Variants in AKR1C8 observed in about 807,000 individuals in gnomAD.
The protein encoded by AKR1C8 is aldo-keto reductase family 1 member C-like protein 1.
the AKR1C8 span, among the ~76,000 whole-genome samples, chr10:5,180,920 C>T: frequency 6.6e-6 from 1 of 152,222 alleles, no homozygotes; most frequent in African/African-American, 2.4e-5. Flanking sequence ...AAGGGAACTC[C>T]CTGACCCCTT....
chr10:5,122,348 C>G, the AKR1C8 span, among the ~76,000 whole-genome samples: 1 of 152,280 alleles, frequency 6.6e-6, no homozygotes, highest in Non-Finnish European at 1.5e-5. Context: ...TCTTCTCCAT[C>G]CCACCCCTCT....
chr10:5,155,883 C>T, the AKR1C8 span: 3 of 357,076 alleles, frequency 8.4e-6, no homozygotes. Flanking sequence ...TCCTCATCAG[C>T]TTCCAGGTGC....
the AKR1C8 span, among the ~76,000 whole-genome samples, chr10:5,178,321 T>A: frequency 1.3e-5 from 2 of 152,240 alleles, no homozygotes; most frequent in African/African-American, 4.8e-5. Flanking sequence ...GAGTTCTAGT[T>A]TGATTGCACT....
chr10:5,138,773 C>T, the AKR1C8 span, among the ~76,000 whole-genome samples: 3 of 151,696 alleles, frequency 2.0e-5, no homozygotes, highest in Non-Finnish European at 4.4e-5. Flanking sequence ...GACAGGGATG[C>T]CCTCTCTCAC....
the AKR1C8 span, chr10:5,135,129 T>C: frequency 4.6e-6 from 1 of 217,714 alleles, no homozygotes; most frequent in South Asian, 9.0e-5. Flanking sequence ...ACACTGAAAA[T>C]ATGATTATGT....
chr10:5,149,988 A>T, the AKR1C8 span, among the ~76,000 whole-genome samples: 2 of 152,174 alleles, frequency 1.3e-5, no homozygotes, highest in Non-Finnish European at 2.9e-5. Context: ...AAAACAAAAC[A>T]GAAAGAATCA....
the AKR1C8 span, among the ~76,000 whole-genome samples, chr10:5,163,663 C>CT: frequency 1.3e-5 from 2 of 152,236 alleles, no homozygotes; most frequent in Admixed American, 1.3e-4. Context: ...GGTAAAACTC[C>CT]TTTAAACAGA....
the AKR1C8 span, among the ~76,000 whole-genome samples, chr10:5,177,306 C>T: frequency 6.6e-6 from 1 of 151,922 alleles, no homozygotes; most frequent in East Asian, 1.9e-4. Context: ...ATTGAACCAG[C>T]CTTGCATCCC....
chr10:5,128,029 G>GA, the AKR1C8 span, among the ~76,000 whole-genome samples: 1 of 151,964 alleles, frequency 6.6e-6, no homozygotes, highest in African/African-American at 2.4e-5. Context: ...AGAGAGGTGA[G>GA]AAAAAAGCAT....
chr10:5,156,814 A>ATTATATATG, the AKR1C8 span, among the ~76,000 whole-genome samples: 1 of 152,240 alleles, frequency 6.6e-6, no homozygotes, highest in Non-Finnish European at 1.5e-5. Context: ...AAATAAATAC[A>ATTATATATG]TTATATATGA....
At chr10:5,156,467 TAA>T in the AKR1C8 span, among the ~76,000 whole-genome samples, 13 of 150,960 alleles carry the variant, frequency 8.6e-5, no homozygotes, top group African/African-American at 1.9e-4. Flanking sequence ...ATTTTTTGGT[TAA>T]AAAAAAAATG....
the AKR1C8 span, among the ~76,000 whole-genome samples, chr10:5,173,214 A>T: frequency 6.6e-6 from 1 of 152,232 alleles, no homozygotes; most frequent in African/African-American, 2.4e-5. Flanking sequence ...TGGGAAAAAA[A>T]ACCTTTTCTA....
chr10:5,176,459 A>G, the AKR1C8 span, among the ~76,000 whole-genome samples: 5 of 149,616 alleles, frequency 3.3e-5, no homozygotes, highest in African/African-American at 9.9e-5. Context: ...TTGTTGATGC[A>G]GGCTCTTTTT....
chr10:5,117,195 G>T, the AKR1C8 span, among the ~76,000 whole-genome samples: 1 of 151,522 alleles, frequency 6.6e-6, no homozygotes, highest in East Asian at 1.9e-4. Context: ...CTACAAAATA[G>T]CCACATTTAA....
chr10:5,140,178 A>G, the AKR1C8 span, among the ~76,000 whole-genome samples: 1 of 152,188 alleles, frequency 6.6e-6, no homozygotes, highest in Non-Finnish European at 1.5e-5. Context: ...GAGAAATAGG[A>G]ATGTTTTTAC....
chr10:5,144,886 G>C, the AKR1C8 span, among the ~76,000 whole-genome samples: 1 of 151,094 alleles, frequency 6.6e-6, no homozygotes, highest in Non-Finnish European at 1.5e-5. Flanking sequence ...TAATTGCCCT[G>C]GCCAGAACTT....
the AKR1C8 span, chr10:5,157,741 T>A: frequency 3.2e-5 from 15 of 472,136 alleles, no homozygotes; most frequent in Admixed American, 2.8e-4. Flanking sequence ...TCCACTGTGT[T>A]TCTTGGCAAT....
chr10:5,143,563 C>T, the AKR1C8 span, among the ~76,000 whole-genome samples: 1 of 151,942 alleles, frequency 6.6e-6, no homozygotes, highest in Non-Finnish European at 1.5e-5. Flanking sequence ...TGAAATGAGG[C>T]AATCCCTCAA....
the AKR1C8 span, among the ~76,000 whole-genome samples, chr10:5,183,884 C>T: frequency 6.6e-6 from 1 of 152,174 alleles, no homozygotes; most frequent in African/African-American, 2.4e-5. Context: ...AACAACTGCA[C>T]TCATATGAGA....
Sources: gnomAD v4.1 joint callset for allele counts (sites outside exome capture counted in the v4.1 genomes callset) on GRCh38, gnomAD v4.1.1 for gene constraint, MANE v1.5 for transcripts, NCBI Gene and HGNC (gene_info 2026-07-23, HGNC 2026-07-21) for gene names.